The following SORCS1 variants were observed in gnomAD, a reference collection of about 807,000 sequenced individuals.
The protein encoded by SORCS1 is sortilin related VPS10 domain containing receptor 1.
SORCS1 carries 60 observed loss-of-function variants against 146.1 expected under a neutral mutation model. That is an observed-to-expected ratio of 0.41 (90% CI 0.33 to 0.51). The LOEUF is 0.51. Ranked by LOEUF, SORCS1 falls within the 20% of genes least tolerant of loss-of-function variation. The pLI is 0.21. For synonymous variants in SORCS1, 637 were observed against 584.0 expected, an observed-to-expected ratio of 1.09 and a Z score of -1.31; for missense variants, 1,352 against 1,487.6, an observed-to-expected ratio of 0.91 and a Z score of 1.50.
chr10:106,716,981 G>A (rs1464874300), intron 6 of SORCS1, among the ~76,000 whole-genome samples: 1 of 151,974 alleles, frequency 6.6e-6, no homozygotes, highest in Non-Finnish European at 1.5e-5. Context: ...CAGGTCTCTG[G>A]GACTCTATCC....
At chr10:106,710,735 C>T (rs1252379187) in intron 6 of SORCS1, among the ~76,000 whole-genome samples, 1 of 152,148 alleles carries the variant, frequency 6.6e-6, no homozygotes, top group African/African-American at 2.4e-5. Context: ...CCACCACCCA[C>T]CATGCCAACC....
chr10:106,868,268 CA>C (rs141756800), intron 2 of SORCS1, among the ~76,000 whole-genome samples: 2 of 152,202 alleles, frequency 1.3e-5, no homozygotes, highest in East Asian at 3.9e-4. Flanking sequence ...TTCAACACCC[CA>C]CTGACAGTAT....
chr10:106,932,203 C>A (rs1302560907), intron 2 of SORCS1, among the ~76,000 whole-genome samples: 1 of 152,056 alleles, frequency 6.6e-6, no homozygotes, highest in Admixed American at 6.5e-5. Context: ...TTAATATAGT[C>A]TACAAATATA....
rs543656742 is a variant in SORCS1 at position 106,630,804 on chromosome 10, T to C, written c.2476-1416A>G. ...TGTAGGATTCCAAATTTCCCATGGG[T>C]AGGCAGAAGAAGATACATTCTGCAT... On this transcript the variant is annotated intron_variant, in intron 18 of 25. Coordinates refer to ENST00000263054, the MANE Select transcript of SORCS1 (RefSeq NM_052918.5). Among the ~76,000 whole-genome samples the C allele has an allele frequency of 1.3e-4, 20 of 151,522 alleles. No individual in the cohort carries two copies. In the South Asian group the frequency reaches 3.8e-3, roughly 29 times the overall value.
intron 8 of SORCS1, among the ~76,000 whole-genome samples, chr10:106,706,210 A>AAAGAAAGAAAGAAAGAAAG (rs1564880132): frequency 4.1e-5 from 6 of 145,812 alleles, no homozygotes; most frequent in African/African-American, 1.6e-4. Flanking sequence ...AAGAAAGAAA[A>AAAGAAAGAAAGAAAGAAAG]AAGAAAGAAA....
chr10:106,647,389 T>TAC lies in SORCS1; in HGVS notation c.2475+4991_2475+4992dup, dbSNP rs3044913. On this transcript the variant is annotated intron_variant, in intron 18 of 25. Transcript: ENST00000263054. ...TGTATTTTGATGCTATTATAAATTT[T>TAC]ACACACACACACACACACACACACA... Among the ~76,000 whole-genome samples, 1,418 of 147,404 alleles carry TAC rather than the reference T, an allele frequency of 9.6e-3. 16 individuals carry two copies. Among genetic ancestry groups the TAC allele is most frequent in the African/African-American group, 0.023 (927 of 40,264 alleles).
Position 106,815,061 on chromosome 10 carries a change from G to A in SORCS1, c.726+14513C>T, listed in dbSNP as rs562231798. On this transcript the variant is annotated intron_variant, in intron 3 of 25. Coordinates refer to ENST00000263054, the MANE Select transcript of SORCS1 (RefSeq NM_052918.5). ...TGCAACCTCCACCTCCTGGCTTCACGCCCTTCTCCTGCCTCAGCCTCCCGA... is the reference window on the plus strand; with the variant it reads ...TGCAACCTCCACCTCCTGGCTTCACACCCTTCTCCTGCCTCAGCCTCCCGA... 5.3e-5 allele frequency among the ~76,000 whole-genome samples: 8 copies of A among 151,898 alleles called. No homozygotes were observed. In the South Asian group the frequency reaches 1.0e-3, roughly 20 times the overall value.
At chr10:106,821,143 T>C (rs1948002261) in intron 3 of SORCS1, among the ~76,000 whole-genome samples, 2 of 152,206 alleles carry the variant, frequency 1.3e-5, no homozygotes. Flanking sequence ...GAATTTCTGA[T>C]CACTTGGCCA....
chr10:106,998,552 A>G (rs1303053625), intron 1 of SORCS1, among the ~76,000 whole-genome samples: 2 of 152,228 alleles, frequency 1.3e-5, no homozygotes, highest in South Asian at 4.1e-4. Flanking sequence ...AAGGCTGACA[A>G]CTTGACCTGG....
chr10:106,938,724 G>A (rs1953878228), intron 2 of SORCS1, among the ~76,000 whole-genome samples: 1 of 152,230 alleles, frequency 6.6e-6, no homozygotes, highest in Non-Finnish European at 1.5e-5. Flanking sequence ...AAACAAAGTG[G>A]TTATTCTAAG....
In SORCS1 at chr10:107,120,554, T is replaced by C. The variant is rs1053954032; in HGVS notation, c.558+43415A>G. ...TTTATAGACAGAGACCAAAGACTTA[T>C]AACATGGATCACTTGAAATAAGGAC... On this transcript the variant is annotated intron_variant, in intron 1 of 25. Transcript: ENST00000263054. Among the ~76,000 whole-genome samples the C allele has an allele frequency of 3.9e-5, 6 of 152,162 alleles. No homozygotes were observed. The East Asian group carries it at 7.7e-4, about 20-fold the overall frequency.
chr10:106,858,934 T>C (rs1211483814), intron 2 of SORCS1, among the ~76,000 whole-genome samples: 1 of 152,230 alleles, frequency 6.6e-6, no homozygotes, highest in Non-Finnish European at 1.5e-5. Flanking sequence ...CCATCCATTC[T>C]AGTTCTTACT....
chr10:106,744,479 C>T (rs1000352115), intron 5 of SORCS1, among the ~76,000 whole-genome samples: 1 of 152,254 alleles, frequency 6.6e-6, no homozygotes, highest in African/African-American at 2.4e-5. Context: ...TCTAATCTCT[C>T]TAGTTTTTCA....
chr10:106,769,654 T>C (rs1455237261), intron 4 of SORCS1, among the ~76,000 whole-genome samples: 1 of 152,188 alleles, frequency 6.6e-6, no homozygotes, highest in Non-Finnish European at 1.5e-5. Flanking sequence ...AATTAGTTCT[T>C]TTTTAATAAA....
chr10:106,955,851 G>T (rs1954913617), intron 2 of SORCS1, among the ~76,000 whole-genome samples: 1 of 151,952 alleles, frequency 6.6e-6, no homozygotes, highest in Non-Finnish European at 1.5e-5. Flanking sequence ...AAATTAGCCA[G>T]GCGTGGTGGC....
At chr10:106,841,303 T>C (rs796983128) in intron 2 of SORCS1, among the ~76,000 whole-genome samples, 3 of 151,930 alleles carry the variant, frequency 2.0e-5, no homozygotes, top group African/African-American at 7.2e-5. Flanking sequence ...AACCCCATCT[T>C]TACTAAAAAT....
intron 3 of SORCS1, among the ~76,000 whole-genome samples, chr10:106,779,547 A>ATTT (rs11357093): frequency 2.1e-4 from 18 of 84,802 alleles, no homozygotes; most frequent in East Asian, 5.0e-4. Context: ...TATGGCCCAT[A>ATTT]TTTTTTTTTT....
intron 1 of SORCS1, among the ~76,000 whole-genome samples, chr10:107,040,325 C>T (rs1959098248): frequency 6.6e-6 from 1 of 152,238 alleles, no homozygotes; most frequent in South Asian, 2.1e-4. Context: ...ACGTCAGCGG[C>T]AATTTTCCTT....
At chr10:106,597,279 G>T in intron 24 of SORCS1, 72 bp downstream of exon 24, 2 of 1,227,294 alleles carry the variant, frequency 1.6e-6, no homozygotes, top group Non-Finnish European at 2.4e-6. Context: ...GCCTTTTTAT[G>T]AGGAAGGAAG....
Sources: allele counts gnomAD v4.1 joint callset (sites outside exome capture counted in the v4.1 genomes callset), GRCh38; gene constraint gnomAD v4.1.1; transcripts MANE v1.5; gene names NCBI Gene and HGNC (gene_info 2026-07-23, HGNC 2026-07-21).